MYO16: variants seen among roughly 807,000 people sequenced by gnomAD.
MYO16 encodes the protein unconventional myosin-XVI.
In MYO16, 94 loss-of-function variants were observed where a neutral mutation model predicts 205.3. The ratio of observed to expected loss-of-function variants is 0.46; its 90% CI spans 0.39 to 0.54. The LOEUF is 0.54. Ranked by LOEUF, MYO16 falls within the 20% of genes least tolerant of loss-of-function variation. The probability of loss-of-function intolerance (pLI) is 0.00; values close to 1 mark genes in which losing one functional copy is unlikely to be tolerated. For missense variants in MYO16, 2,315 were observed against 2,387.5 expected (o/e 0.97, Z 0.63); for synonymous variants, 988 against 954.0 (o/e 1.04, Z -0.66).
At chr13:108,949,937 A>T (rs564254127) in intron 16 of MYO16, among the ~76,000 whole-genome samples, 14 of 152,256 alleles carry the variant, frequency 9.2e-5, no homozygotes, top group African/African-American at 3.4e-4. Flanking sequence ...TGGAGGAAAG[A>T]TCAACTTCAA....
intron 14 of MYO16, among the ~76,000 whole-genome samples, chr13:108,890,204 A>G (rs1880105249): frequency 7.3e-6 from 1 of 136,256 alleles, no homozygotes; most frequent in Non-Finnish European, 1.5e-5. Flanking sequence ...TCAGCCTCCC[A>G]AAGTGCTAGG....
intron 20 of MYO16, among the ~76,000 whole-genome samples, chr13:108,965,516 C>A (rs1403087579): frequency 6.6e-6 from 1 of 152,212 alleles, no homozygotes; most frequent in Non-Finnish European, 1.5e-5. Context: ...AAGTGATTCT[C>A]CTACCTCAGC....
intron 32 of MYO16, among the ~76,000 whole-genome samples, chr13:109,142,746 T>A (rs1160159144): frequency 6.6e-6 from 1 of 152,076 alleles, no homozygotes; most frequent in Non-Finnish European, 1.5e-5. Flanking sequence ...GGCCACCACT[T>A]TATTTACATG....
At chr13:109,051,661 A>G (rs557372243) in intron 24 of MYO16, among the ~76,000 whole-genome samples, 1 of 152,358 alleles carries the variant, frequency 6.6e-6, no homozygotes, top group South Asian at 2.1e-4. Flanking sequence ...CAAGAAAGGA[A>G]TATGGACTCA....
intron 1 of MYO16, among the ~76,000 whole-genome samples, chr13:108,597,416 A>T (rs796598058): frequency 3.9e-5 from 6 of 152,078 alleles, no homozygotes; most frequent in African/African-American, 1.4e-4. Flanking sequence ...CAAGTCTGAA[A>T]TTTTTTTTAG....
chr13:108,864,301 A>G lies in MYO16; in HGVS notation c.1360-1876A>G, dbSNP rs372548047. Among the ~76,000 whole-genome samples the G allele has an allele frequency of 5.9e-5, 9 of 152,264 alleles. No homozygotes were observed. In the South Asian group the frequency reaches 8.3e-4, roughly 14 times the overall value. On this transcript the variant is annotated intron_variant, in intron 11 of 34. Coordinates refer to ENST00000457511, the MANE Select transcript of MYO16 (RefSeq NM_001198950.3). ...CTAGGCTATAATTTTTATCTTAAGT[A>G]GACCTTTAGTTGCATCCCACAAGTT... is the stretch of plus-strand genomic sequence containing the variant.
At chr13:108,953,271 T>C (rs2139345473) in intron 16 of MYO16, among the ~76,000 whole-genome samples, 1 of 152,356 alleles carries the variant, frequency 6.6e-6, no homozygotes, top group South Asian at 2.1e-4. Context: ...TTTAAGATGA[T>C]TAAAATTTTT....
In MYO16 at chr13:109,017,102, C is replaced by G. The variant is rs200622516; in HGVS notation, c.2596-2609C>G. 2.0e-5 allele frequency among the ~76,000 whole-genome samples: 3 copies of G among 152,184 alleles called. No individual in the cohort carries two copies. The East Asian group carries it at 5.8e-4, about 29-fold the overall frequency. ...TGGCATGTTTTAGCAGTGGCTGGTA[C>G]TGGTTCTTCCTTTCCATGTTTAGTG... On this transcript the variant is annotated intron_variant, in intron 22 of 34. Transcript: ENST00000457511.
intron 21 of MYO16, among the ~76,000 whole-genome samples, chr13:109,006,855 A>G (rs886664403): frequency 2.6e-5 from 4 of 152,134 alleles, no homozygotes; most frequent in African/African-American, 9.7e-5. Context: ...AGAAGAGACA[A>G]GGTCCACAGG....
intron 22 of MYO16, among the ~76,000 whole-genome samples, chr13:109,018,328 A>T (rs1566463541): frequency 6.7e-6 from 1 of 150,168 alleles, no homozygotes; most frequent in Non-Finnish European, 1.5e-5. Flanking sequence ...GCAGAACAGC[A>T]AATATTGCTG....
At chr13:108,711,634 A>G (rs1051030462) in intron 2 of MYO16, among the ~76,000 whole-genome samples, 1 of 152,202 alleles carries the variant, frequency 6.6e-6, no homozygotes, top group African/African-American at 2.4e-5. Context: ...CTTCTGTGAT[A>G]TGCAGTGAGA....
chr13:108,746,368 T>A (rs1347170387), intron 4 of MYO16, among the ~76,000 whole-genome samples: 1 of 152,102 alleles, frequency 6.6e-6, no homozygotes, highest in East Asian at 1.9e-4. Context: ...AAACAGTAAT[T>A]TCAAAAGGTT....
chr13:108,641,538 A>G (rs759056539), intron 1 of MYO16, among the ~76,000 whole-genome samples: 3 of 152,184 alleles, frequency 2.0e-5, no homozygotes, highest in Non-Finnish European at 4.4e-5. Flanking sequence ...GCTGCCTCCT[A>G]TTTTAACTAT....
chr13:109,065,444 G>A (rs1349646212), intron 27 of MYO16: 1 of 391,916 alleles, frequency 2.6e-6, no homozygotes, highest in African/African-American at 2.2e-5. Flanking sequence ...GTATATGTTA[G>A]TTTAATGTGT....
At chr13:108,544,767 G>A in the MYO16 span, among the ~76,000 whole-genome samples, 1 of 152,174 alleles carries the variant, frequency 6.6e-6, no homozygotes, top group Non-Finnish European at 1.5e-5. Context: ...CCTAGACTCT[G>A]GGAGCCATCT....
At chr13:109,109,788 G>A (rs1042516891) in intron 28 of MYO16, among the ~76,000 whole-genome samples, 2 of 152,184 alleles carry the variant, frequency 1.3e-5, no homozygotes, top group Non-Finnish European at 2.9e-5. Context: ...GCTGAAAACA[G>A]AAGACAGTTC....
chr13:108,518,983 T>C, the MYO16 span, among the ~76,000 whole-genome samples: 1 of 152,194 alleles, frequency 6.6e-6, no homozygotes, highest in Non-Finnish European at 1.5e-5. Context: ...AGTAATGTGA[T>C]CTCAGATTAA....
rs758193812 is a variant in MYO16, at chr13:109,055,396, C to T, written c.3136C>T (p.Leu1046=). 8 of 1,609,530 alleles carry T rather than the reference C, an allele frequency of 5.0e-6. No individual in the cohort carries two copies. In the African/African-American group the frequency reaches 9.4e-5, roughly 19 times the overall value. The part of the protein sequence containing the change: ...VTIASQLRKS[L]MDIIGKLQKC... ...GTTCTACTTCTCTCCTTAGAAATCACTAATGGATATTATTGGAAAACTTCA... is the reference window on the plus strand; with the variant it reads ...GTTCTACTTCTCTCCTTAGAAATCATTAATGGATATTATTGGAAAACTTCA... The change falls in exon 27 of 35, where the codon CTA becomes TTA. Residue 1046 remains leucine (L), a synonymous_variant. Coordinates refer to ENST00000457511, the MANE Select transcript of MYO16 (RefSeq NM_001198950.3). This position sits in a 1 kb window ranked among gnomAD's most constrained non-coding sequence, Gnocchi z 5.0.
chr13:108,784,081 A>G (rs1215275972), intron 4 of MYO16, among the ~76,000 whole-genome samples: 3 of 152,180 alleles, frequency 2.0e-5, no homozygotes, highest in African/African-American at 7.2e-5. Flanking sequence ...AAACTCACTG[A>G]GTCACTCTGG....
Sources: gnomAD v4.1 joint callset for allele counts (sites outside exome capture counted in the v4.1 genomes callset) on GRCh38, gnomAD v4.1.1 for gene constraint, Gnocchi (gnomAD v3.1) non-coding constraint, MANE v1.5 for transcripts, NCBI Gene and HGNC (gene_info 2026-07-23, HGNC 2026-07-21) for gene names.